The following CUX1 variants were observed in gnomAD, a reference collection of about 807,000 sequenced individuals.
CUX1 encodes the protein protein CASP.
CUX1 carries 31 observed loss-of-function variants against 158.8 expected under a neutral mutation model. That is an observed-to-expected ratio of 0.20 (90% CI 0.15 to 0.26). The LOEUF (loss-of-function observed/expected upper bound fraction) is 0.26. CUX1 is among the 10% of genes least tolerant of loss of function. The probability of loss-of-function intolerance (pLI) is 1.00; values close to 1 mark genes in which losing one functional copy is unlikely to be tolerated. For synonymous variants in CUX1, 879 were observed against 862.1 expected, an observed-to-expected ratio of 1.02 and a Z score of -0.34; for missense variants, 1,589 against 2,014.6, an observed-to-expected ratio of 0.79 and a Z score of 4.04.
chr7:102,098,807 ATTTTTTTTTTT>A (rs112048598), intron 5 of CUX1, among the ~76,000 whole-genome samples: 17 of 68,000 alleles, frequency 2.5e-4, no homozygotes, highest in African/African-American at 7.8e-4. Context: ...CGCCCAACTA[ATTTTTTTTTTT>A]TTTTTTTTTT....
chr7:102,006,620 C>T lies in CUX1; in HGVS notation c.142-21478C>T, dbSNP rs373677392. 9.7e-4 allele frequency among the ~76,000 whole-genome samples: 147 copies of T among 152,246 alleles called. 2 individuals carry two copies. Among genetic ancestry groups the T allele is most frequent in the Non-Finnish European group, 1.5e-3 (99 of 68,014 alleles). On this transcript the variant is annotated intron_variant, in intron 2 of 23. Coordinates refer to ENST00000292535, the MANE Select transcript of CUX1 (RefSeq NM_181552.4). ...CTATGTTGGCCAGGCTGGTCTCAGG[C>T]GATCCACCCGCTTCAGCCTCCCAAA...
At chr7:102,153,256 G>A (rs561299270) in intron 8 of CUX1, 17 of 152,396 alleles carry the variant, frequency 1.1e-4, no homozygotes, top group African/African-American at 4.1e-4. Context: ...AACTGGACTC[G>A]ACCCACATGG....
intron 3 of CUX1, among the ~76,000 whole-genome samples, chr7:102,031,007 AT>A (rs796802967): frequency 2.6e-5 from 4 of 151,908 alleles, no homozygotes; most frequent in African/African-American, 9.7e-5. Flanking sequence ...CGGCCCCTGC[AT>A]TATCTCTTTT....
At chr7:102,045,180 A>T (rs770728613) in intron 3 of CUX1, among the ~76,000 whole-genome samples, 22 of 152,254 alleles carry the variant, frequency 1.4e-4, no homozygotes, top group Non-Finnish European at 2.8e-4. Context: ...TGCATAATTG[A>T]AAGCACATTT....
chr7:102,256,639 G>A lies in CUX1; in HGVS notation c.*7597G>A. ...ACAAAAAAATTTACCAACGTGTGAGGGAGTTGCTGAGTTGAAGAATGCTCG... is the reference window on the plus strand; with the variant it reads ...ACAAAAAAATTTACCAACGTGTGAGAGAGTTGCTGAGTTGAAGAATGCTCG... On this transcript the variant is annotated 3_prime_UTR_variant, in exon 24 of 24. Transcript: ENST00000292535. 1 of 985,422 alleles carries A rather than the reference G, an allele frequency of 1.0e-6. No homozygotes were observed. 61.0% of individuals were successfully genotyped at this position (985,422 alleles called of 1,614,324 possible). A position where few individuals can be genotyped will look rare whatever the true frequency, so the allele number is the denominator to read the frequency against.
intron 3 of CUX1, among the ~76,000 whole-genome samples, chr7:102,069,553 A>G (rs1050478811): frequency 2.0e-5 from 3 of 152,188 alleles, no homozygotes; most frequent in African/African-American, 4.8e-5. Context: ...GTTTGAGACC[A>G]GCCTGGCCAA....
intron 12 of CUX1, among the ~76,000 whole-genome samples, chr7:102,192,950 C>T (rs1049455896): frequency 6.6e-6 from 1 of 152,206 alleles, no homozygotes; most frequent in Admixed American, 6.5e-5. Context: ...CTGAGACAGC[C>T]CAGAGACCGT....
At chr7:102,283,395 G>T in exon 23 of CUX1, 1 of 412,692 alleles carries the variant, frequency 2.4e-6, no homozygotes, top group Non-Finnish European at 4.5e-6. Context: ...GGTGGCAGAG[G>T]TCCCTCAGCT....
intron 4 of CUX1, among the ~76,000 whole-genome samples, chr7:102,083,141 G>A (rs1554479348): frequency 6.8e-6 from 1 of 147,124 alleles, no homozygotes; most frequent in African/African-American, 2.4e-5. Flanking sequence ...GTTGCTCCAT[G>A]TCTTCTGTTT....
At chr7:101,852,590 C>T (rs1182358094) in intron 1 of CUX1, among the ~76,000 whole-genome samples, 2 of 151,738 alleles carry the variant, frequency 1.3e-5, no homozygotes, top group African/African-American at 4.9e-5. Context: ...TGTACTCCAG[C>T]CTGGGCGACA....
intron 1 of CUX1, among the ~76,000 whole-genome samples, chr7:101,871,681 T>C (rs1366048008): frequency 6.6e-6 from 1 of 152,136 alleles, no homozygotes; most frequent in Non-Finnish European, 1.5e-5. Flanking sequence ...TGGTGGCATG[T>C]GTGGTCACCT....
rs782292066 is a variant in CUX1 at position 102,158,561 on chromosome 7, G to A, written c.676G>A (p.Ala226Thr). 3.2e-5 allele frequency: 52 copies of A among 1,613,858 alleles called. No individual in the cohort carries two copies. Among genetic ancestry groups the A allele is most frequent in the Non-Finnish European group, 4.0e-5 (47 of 1,179,998 alleles). ...TKYDEETTAK[A>T]DEIEMIMTDL... The stretch of plus-strand genomic sequence containing the variant: ...GCTCTCTCCCTCTCACCCTCCTAGG[G>A]CCGACGAGATTGAAATGATCATGAC... Residue 226 changes from alanine to threonine, a missense_variant and splice_region_variant, in exon 9 of 24, where the codon GCC becomes ACC. Around this residue, in one of 8 missense-constraint regions of CUX1, gnomAD observed 515 missense variants for 574.4 expected, o/e 0.90. Coordinates refer to ENST00000292535, the MANE Select transcript of CUX1 (RefSeq NM_181552.4).
intron 1 of CUX1, among the ~76,000 whole-genome samples, chr7:101,880,025 C>T (rs1296263934): frequency 3.9e-5 from 6 of 151,986 alleles, no homozygotes; most frequent in African/African-American, 1.2e-4. Context: ...GTTTTTGGAT[C>T]GCAGCATATA....
intron 3 of CUX1, among the ~76,000 whole-genome samples, chr7:102,046,569 A>ATGTTTTTTTTTTTTTTTT (rs1822831258): frequency 1.8e-5 from 1 of 55,466 alleles, no homozygotes; most frequent in Non-Finnish European, 3.2e-5. Context: ...TTTGGTTTGG[A>ATGTTTTTTTTTTTTTTTT]TTTTTTTTTT....
chr7:102,134,013 A>G (rs1188068374), intron 8 of CUX1, among the ~76,000 whole-genome samples: 2 of 152,214 alleles, frequency 1.3e-5, no homozygotes, highest in East Asian at 3.8e-4. Context: ...AGTAAAGAAC[A>G]GTTGTTCCTG....
At chr7:102,043,898 A>G (rs1169713339) in intron 3 of CUX1, among the ~76,000 whole-genome samples, 1 of 152,176 alleles carries the variant, frequency 6.6e-6, no homozygotes, top group Non-Finnish European at 1.5e-5. Context: ...AACAGGTATC[A>G]GGTGATACCT....
In CUX1 at chr7:101,823,526, C is replaced by T. The variant is rs187208224; in HGVS notation, c.30+5857C>T. On this transcript the variant is annotated intron_variant, in intron 1 of 23. Transcript: ENST00000292535. The stretch of plus-strand genomic sequence containing the variant: ...TGAGATCTTGGATGGTCTGGATGGT[C>T]TTGACCGTGTGTGATTGATGCAGTT... 3.0e-4 allele frequency among the ~76,000 whole-genome samples: 46 copies of T among 152,268 alleles called. 1 individual carries two copies. The highest frequency in any genetic ancestry group is 5.4e-4 in the Non-Finnish European group (37 of 68,024).
chr7:101,853,770 G>A (rs183635683), intron 1 of CUX1, among the ~76,000 whole-genome samples: 1 of 152,308 alleles, frequency 6.6e-6, no homozygotes, highest in African/African-American at 2.4e-5. Flanking sequence ...TTCCTGCTGG[G>A]TGGTGCAGTT....
At chr7:102,231,664 T>C (rs1554530859) in intron 21 of CUX1, among the ~76,000 whole-genome samples, 2 of 151,996 alleles carry the variant, frequency 1.3e-5, no homozygotes, top group Non-Finnish European at 1.5e-5. Context: ...GCAAGCTCCT[T>C]GAAATGAAAA....
Sources: allele counts gnomAD v4.1 joint callset (sites outside exome capture counted in the v4.1 genomes callset), GRCh38; gene constraint gnomAD v4.1.1; regional missense constraint gnomAD v4.1.1; transcripts MANE v1.5; gene names NCBI Gene and HGNC (gene_info 2026-07-23, HGNC 2026-07-21).